ATP8B4: variants seen among roughly 807,000 people sequenced by gnomAD.
ATP8B4 encodes probable phospholipid-transporting ATPase IM.
Under a neutral mutation model 145.6 loss-of-function variants are expected in ATP8B4, and 133 were observed. The ratio of observed to expected loss-of-function variants is 0.91; its 90% CI spans 0.79 to 1.05. ATP8B4 has a LOEUF of 1.05. Ranked by LOEUF, ATP8B4 falls within the 50% of genes least tolerant of loss-of-function variation. The pLI is 0.00. For synonymous variants in ATP8B4, 507 were observed against 492.9 expected (o/e 1.03, Z -0.38); for missense variants, 1,458 against 1,425.2 (o/e 1.02, Z -0.37).
intron 1 of ATP8B4, among the ~76,000 whole-genome samples, chr15:50,159,699 C>G (rs777996017): frequency 5.3e-5 from 8 of 152,036 alleles, no homozygotes; most frequent in Non-Finnish European, 7.4e-5. Flanking sequence ...GTTGAATTTT[C>G]TCAAATGCTT....
rs531957298 is a variant in ATP8B4 at position 50,044,904 on chromosome 15, T to A, written c.202-212A>T. Among the ~76,000 whole-genome samples the A allele has an allele frequency of 4.6e-5, 7 of 152,354 alleles. No homozygotes were observed. The South Asian group carries it at 1.2e-3, about 27-fold the overall frequency. On this transcript the variant is annotated intron_variant, in intron 4 of 27. Coordinates refer to ENST00000284509, the MANE Select transcript of ATP8B4 (RefSeq NM_024837.4). ...GTTTTCAAACTACCTAACCAAAAAC[T>A]GAAATTTTTATAGCAAGGGGAGAAG...
rs767565899 is a variant in ATP8B4, at chr15:49,934,165, A to T, written c.1305T>A (p.Asp435Glu). The T allele has an allele frequency of 1.2e-6, 2 of 1,610,682 alleles. No individual in the cohort carries two copies. Among genetic ancestry groups the T allele is most frequent in the Non-Finnish European group, 1.7e-6 (2 of 1,178,624 alleles). The part of the protein sequence containing the change: ...TEITQEKEPV[D>E]FSVKSQADRE... ...TATCCGCTTGAGATTTGACTGAGAA[A>T]TCCACAGGCTCTTTTTCCTGTAGGA... Residue 435 changes from aspartate (D) to glutamate (E), a missense_variant, in exon 15 of 28, where the codon GAT (aspartate) becomes GAA (glutamate). Asp to Glu is a conservative substitution (Grantham distance 45). Coordinates refer to ENST00000284509, the MANE Select transcript of ATP8B4 (RefSeq NM_024837.4).
At chr15:49,972,445 TATGGTAG>T in intron 13 of ATP8B4, 130 bp downstream of exon 13, 1 of 708,308 alleles carries the variant, frequency 1.4e-6, no homozygotes, top group Non-Finnish European at 2.3e-6. Context: ...TCAGCATCTA[TATGGTAG>T]ATGCTGACGG....
rs1030223569 is a variant in ATP8B4 at position 49,933,312 on chromosome 15, C to T, written c.1453+705G>A. Among the ~76,000 whole-genome samples, 3 of 151,984 alleles carry T rather than the reference C, an allele frequency of 2.0e-5. No homozygotes were observed. The East Asian group carries it at 5.8e-4, about 29-fold the overall frequency. ...AAATTAAACAGATTTGAGAAAGAACCAAAGACCTTGTAGGAAGAATTAGTG... is the reference window on the plus strand; with the variant it reads ...AAATTAAACAGATTTGAGAAAGAACTAAAGACCTTGTAGGAAGAATTAGTG... On this transcript the variant is annotated intron_variant, in intron 15 of 27. Coordinates refer to ENST00000284509, the MANE Select transcript of ATP8B4 (RefSeq NM_024837.4).
At chr15:50,105,440 C>G (rs2056627824) in intron 2 of ATP8B4, among the ~76,000 whole-genome samples, 1 of 151,730 alleles carries the variant, frequency 6.6e-6, no homozygotes, top group Admixed American at 6.6e-5. Context: ...TCAACATTTT[C>G]AAAATTAAAA....
At chr15:50,161,511 A>T in intron 1 of ATP8B4, among the ~76,000 whole-genome samples, 1 of 151,518 alleles carries the variant, frequency 6.6e-6, no homozygotes, top group African/African-American at 2.4e-5. Flanking sequence ...CTTACTTTTT[A>T]TTTTTATGTA....
At chr15:50,173,947 G>A (rs986309727) in intron 1 of ATP8B4, among the ~76,000 whole-genome samples, 1 of 152,138 alleles carries the variant, frequency 6.6e-6, no homozygotes, top group Admixed American at 6.5e-5. Context: ...TATCCACCAT[G>A]ATCAAGTGGG....
intron 6 of ATP8B4, among the ~76,000 whole-genome samples, chr15:50,016,835 G>T (rs2049129989): frequency 6.6e-6 from 1 of 152,156 alleles, no homozygotes; most frequent in Non-Finnish European, 1.5e-5. Context: ...GGATGTGGGT[G>T]GCACAGCAAA....
At chr15:50,068,964 A>C (rs2153630381) in intron 3 of ATP8B4, among the ~76,000 whole-genome samples, 1 of 152,350 alleles carries the variant, frequency 6.6e-6, no homozygotes, top group East Asian at 1.9e-4. Context: ...TCACTCTGAA[A>C]TCCTTTTAAC....
chr15:50,085,823 TAATA>T (rs1243265027), intron 2 of ATP8B4, among the ~76,000 whole-genome samples: 1 of 135,236 alleles, frequency 7.4e-6, no homozygotes, highest in Non-Finnish European at 1.5e-5. Context: ...TTATTATATA[TAATA>T]TATATGATAT....
intron 7 of ATP8B4, among the ~76,000 whole-genome samples, chr15:50,003,826 G>T (rs1386468540): frequency 6.6e-6 from 1 of 152,098 alleles, no homozygotes; most frequent in African/African-American, 2.4e-5. Flanking sequence ...ACTGGGTGGG[G>T]CTGCACTGAC....
chr15:50,038,732 A>C lies in ATP8B4; in HGVS notation c.362+36T>G, dbSNP rs76129767. The C allele has an allele frequency of 1.8e-3, 2,858 of 1,563,878 alleles. 46 individuals are homozygous for C. In the African/African-American group the frequency reaches 0.034, roughly 19 times the overall value. ...GTCAAGAGCTGTTTCAGGGTCCTAG[A>C]AATTTTCAGAATAACCCACAGAATG... On this transcript the variant is annotated intron_variant, in intron 6 of 27. Coordinates refer to ENST00000284509, the MANE Select transcript of ATP8B4 (RefSeq NM_024837.4).
upstream of ATP8B4, among the ~76,000 whole-genome samples, chr15:50,122,568 G>A (rs2057280096): frequency 6.6e-6 from 1 of 152,164 alleles, no homozygotes; most frequent in South Asian, 2.1e-4. Context: ...AGGCCAACAA[G>A]GGAAGATTGA....
intron 3 of ATP8B4, among the ~76,000 whole-genome samples, chr15:50,072,524 G>GA (rs1406182516): frequency 6.6e-6 from 1 of 151,906 alleles, no homozygotes; most frequent in Non-Finnish European, 1.5e-5. Flanking sequence ...TTACATCAAT[G>GA]AAAAAAATCC....
intron 2 of ATP8B4, among the ~76,000 whole-genome samples, chr15:50,076,469 C>G (rs186286929): frequency 6.6e-6 from 1 of 150,456 alleles, no homozygotes; most frequent in Non-Finnish European, 1.5e-5. Context: ...CCCAGCCTGG[C>G]GACAGAGCAA....
chr15:49,983,668 C>T (rs2046349448), intron 10 of ATP8B4, among the ~76,000 whole-genome samples: 1 of 152,178 alleles, frequency 6.6e-6, no homozygotes, highest in Non-Finnish European at 1.5e-5. Flanking sequence ...TCACAATTAA[C>T]ACATATACAC....
intron 4 of ATP8B4, among the ~76,000 whole-genome samples, chr15:50,045,062 T>C (rs1046100395): frequency 2.0e-5 from 3 of 152,224 alleles, no homozygotes; most frequent in Non-Finnish European, 2.9e-5. Context: ...AGAGATTGTT[T>C]GAACATCTGC....
At chr15:49,932,292 G>T (rs2041341585) in intron 15 of ATP8B4, among the ~76,000 whole-genome samples, 1 of 151,862 alleles carries the variant, frequency 6.6e-6, no homozygotes, top group Non-Finnish European at 1.5e-5. Flanking sequence ...AGGGTGAAAT[G>T]ATAAACACTA....
intron 15 of ATP8B4, 29 bp from the exon 16 acceptor site, chr15:49,931,336 TACTG>T (rs778438810): frequency 1.3e-6 from 2 of 1,590,088 alleles, no homozygotes; most frequent in African/African-American, 2.7e-5. Flanking sequence ...AGTGTATCAA[TACTG>T]ACTAACAGCT....
Sources: allele counts gnomAD v4.1 joint callset (sites outside exome capture counted in the v4.1 genomes callset), GRCh38; gene constraint gnomAD v4.1.1; transcripts MANE v1.5; gene names NCBI Gene and HGNC (gene_info 2026-07-23, HGNC 2026-07-21).